Variants in CDKAL1 observed in about 807,000 individuals in gnomAD.
CDKAL1 encodes the protein threonylcarbamoyladenosine tRNA methylthiotransferase.
A neutral mutation model predicts 68.2 loss-of-function variants in CDKAL1; 32 were observed. The observed-to-expected ratio is 0.47, with a 90% CI of 0.35 to 0.63. The LOEUF is 0.63. Ranked by LOEUF, CDKAL1 falls within the 30% of genes least tolerant of loss-of-function variation. The pLI is 0.00. For missense variants in CDKAL1, 606 were observed against 696.7 expected (o/e 0.87, Z 1.47); for synonymous variants, 234 against 244.3 (o/e 0.96, Z 0.39).
chr6:21,093,894 C>CTTTT (rs33945169), intron 12 of CDKAL1, among the ~76,000 whole-genome samples: 31 of 111,044 alleles, frequency 2.8e-4, no homozygotes, highest in East Asian at 2.6e-3. Context: ...CCACACCTGG[C>CTTTT]TTTTTTTTTT....
intron 15 of CDKAL1, among the ~76,000 whole-genome samples, chr6:21,202,032 G>A (rs964633251): frequency 7.9e-5 from 12 of 151,886 alleles, no homozygotes; most frequent in African/African-American, 2.2e-4. Flanking sequence ...ATGTAATTCC[G>A]AAATTGTTTT....
At chr6:21,129,704 A>AAG (rs1775198136) in intron 13 of CDKAL1, among the ~76,000 whole-genome samples, 1 of 150,802 alleles carries the variant, frequency 6.6e-6, no homozygotes. Flanking sequence ...AAAAAAAAAA[A>AAG]AGGAAAAAAT....
intron 8 of CDKAL1, among the ~76,000 whole-genome samples, chr6:20,799,055 T>TTG (rs926192411): frequency 8.1e-6 from 1 of 123,550 alleles, no homozygotes; most frequent in African/African-American, 3.2e-5. Context: ...TTTTTTTTTT[T>TTG]TTTTTTTTTT....
At chr6:20,845,733 G>A (rs1427902763) in intron 8 of CDKAL1, among the ~76,000 whole-genome samples, 1 of 152,136 alleles carries the variant, frequency 6.6e-6, no homozygotes, top group Non-Finnish European at 1.5e-5. Context: ...CCAAAGTAAT[G>A]TCAGTAGTTT....
intron 9 of CDKAL1, among the ~76,000 whole-genome samples, chr6:20,923,118 G>A (rs1222410521): frequency 6.6e-6 from 1 of 151,912 alleles, no homozygotes; most frequent in Non-Finnish European, 1.5e-5. Context: ...ACAGGGTCTT[G>A]CCATGTTGCC....
intron 13 of CDKAL1, among the ~76,000 whole-genome samples, chr6:21,191,986 A>ATTT (rs1562104779): frequency 4.3e-5 from 1 of 23,324 alleles, no homozygotes; most frequent in Non-Finnish European, 9.5e-5. Flanking sequence ...TTTATAATTC[A>ATTT]TTTTTCTTTT....
At chr6:20,794,648 A>G (rs1297698981) in intron 8 of CDKAL1, among the ~76,000 whole-genome samples, 1 of 152,138 alleles carries the variant, frequency 6.6e-6, no homozygotes, top group Non-Finnish European at 1.5e-5. Flanking sequence ...AGAGCTAGAA[A>G]GGATTTTAGA....
intron 5 of CDKAL1, among the ~76,000 whole-genome samples, chr6:20,709,382 A>C (rs1771743239): frequency 6.6e-6 from 1 of 152,138 alleles, no homozygotes; most frequent in African/African-American, 2.4e-5. Context: ...CATTTTGAGC[A>C]CCAATGTGAT....
chr6:20,805,991 C>A (rs1776556507), intron 8 of CDKAL1, among the ~76,000 whole-genome samples: 1 of 152,008 alleles, frequency 6.6e-6, no homozygotes, highest in Non-Finnish European at 1.5e-5. Context: ...GGGTCTTATT[C>A]TTTTTTAATT....
At chr6:20,572,405 G>A (rs1211946888) in intron 4 of CDKAL1, among the ~76,000 whole-genome samples, 1 of 152,134 alleles carries the variant, frequency 6.6e-6, no homozygotes, top group Non-Finnish European at 1.5e-5. Flanking sequence ...GACCTGAAGT[G>A]AATGCCTGTG....
At chr6:20,860,034 A>G (rs1167000044) in intron 9 of CDKAL1, among the ~76,000 whole-genome samples, 1 of 151,988 alleles carries the variant, frequency 6.6e-6, no homozygotes, top group Non-Finnish European at 1.5e-5. Flanking sequence ...CTTATTCTCT[A>G]TCATATCACT....
chr6:21,123,364 A>G (rs752408523), intron 13 of CDKAL1, among the ~76,000 whole-genome samples: 6 of 152,114 alleles, frequency 3.9e-5, no homozygotes, highest in Non-Finnish European at 7.4e-5. Context: ...CTGAGGTGGA[A>G]GGATCACTTG....
intron 4 of CDKAL1, among the ~76,000 whole-genome samples, chr6:20,646,048 ATTTTTT>A (rs1171622769): frequency 4.2e-4 from 37 of 87,402 alleles, no homozygotes; most frequent in Middle Eastern, 0.025. Flanking sequence ...TCACGGTTAA[ATTTTTT>A]TTTTTTTTTT....
At chr6:20,760,939 A>T (rs751476531) in intron 7 of CDKAL1, among the ~76,000 whole-genome samples, 1 of 152,214 alleles carries the variant, frequency 6.6e-6, no homozygotes, top group Non-Finnish European at 1.5e-5. Context: ...TTTTTGCTCT[A>T]TAAAAGACAC....
At position 20,539,743 on chromosome 6, in the gene CDKAL1, A is replaced by T. The variant is rs1763314926; in HGVS notation, c.-6+4349A>T. Reference sequence around the variant, plus strand: ...TATGTCATTGCAGATCTTTGTAGTGATTTTGGCTTTTTACTCTGATATGGA... The same window carrying T: ...TATGTCATTGCAGATCTTTGTAGTGTTTTTGGCTTTTTACTCTGATATGGA... On this transcript the variant is annotated intron_variant, in intron 2 of 15. Coordinates refer to ENST00000274695, the MANE Select transcript of CDKAL1 (RefSeq NM_017774.3). The surrounding 1 kb of genome is among the most constrained non-coding windows in gnomAD (Gnocchi z 4.3). Among the ~76,000 whole-genome samples, 1 of 152,066 alleles carries T rather than the reference A, an allele frequency of 6.6e-6. No homozygotes were observed. Among genetic ancestry groups the T allele is most frequent in the African/African-American group, 2.4e-5 (1 of 41,396 alleles).
At position 20,658,877 on chromosome 6, in the gene CDKAL1, C is replaced by T. The variant is rs372051924; in HGVS notation, c.371+9500C>T. 7.2e-5 allele frequency among the ~76,000 whole-genome samples: 11 copies of T among 152,294 alleles called. No individual in the cohort carries two copies. In the East Asian group the frequency reaches 1.2e-3, roughly 16 times the overall value. On this transcript the variant is annotated intron_variant, in intron 5 of 15. Coordinates refer to ENST00000274695, the MANE Select transcript of CDKAL1 (RefSeq NM_017774.3). ...TTGCTCAGGCCGGAGTGCAGTAGCA[C>T]GATCACGGCTTACTGTAGCCTCATC...
At chr6:20,554,441 G>C (rs1410496451) in intron 4 of CDKAL1, among the ~76,000 whole-genome samples, 1 of 152,100 alleles carries the variant, frequency 6.6e-6, no homozygotes, top group Non-Finnish European at 1.5e-5. Flanking sequence ...TGTGCTCATT[G>C]GTGGCAAATC....
intron 8 of CDKAL1, among the ~76,000 whole-genome samples, chr6:20,806,724 A>G (rs1561793439): frequency 1.3e-5 from 2 of 152,116 alleles, no homozygotes; most frequent in Non-Finnish European, 2.9e-5. Flanking sequence ...TTCTAGTACT[A>G]TTCAATTGTT....
At chr6:20,922,982 G>A (rs1381936328) in intron 9 of CDKAL1, among the ~76,000 whole-genome samples, 3 of 152,318 alleles carry the variant, frequency 2.0e-5, no homozygotes, top group Non-Finnish European at 4.4e-5. Flanking sequence ...GATGGTATTT[G>A]ACTCAAATAC....
Sources: gnomAD v4.1 joint callset for allele counts (sites outside exome capture counted in the v4.1 genomes callset) on GRCh38, gnomAD v4.1.1 for gene constraint, Gnocchi (gnomAD v3.1) non-coding constraint, MANE v1.5 for transcripts, NCBI Gene and HGNC (gene_info 2026-07-23, HGNC 2026-07-21) for gene names.